The following UBP1 variants were observed in gnomAD, a reference collection of about 807,000 sequenced individuals.
UBP1 encodes upstream-binding protein 1.
Under a neutral mutation model 76.1 loss-of-function variants are expected in UBP1, and 22 were observed. The ratio of observed to expected loss-of-function variants is 0.29; its 90% CI spans 0.21 to 0.41. The LOEUF (loss-of-function observed/expected upper bound fraction) is 0.41, where lower values mean the gene tolerates loss of function less well. UBP1 is among the 10% of genes least tolerant of loss of function. UBP1 has a pLI of 1.00. For missense variants in UBP1, 436 were observed against 668.1 expected, an observed-to-expected ratio of 0.65 and a Z score of 3.83; for synonymous variants, 224 against 237.1, an observed-to-expected ratio of 0.94 and a Z score of 0.51.
chr3:33,396,743 A>C, intron 12 of UBP1: 1 of 568,844 alleles, frequency 1.8e-6, no homozygotes, highest in Non-Finnish European at 3.3e-6. Flanking sequence ...TGTATAGCTC[A>C]CCTAAATTAG....
intron 1 of UBP1, among the ~76,000 whole-genome samples, chr3:33,427,803 T>C (rs749852327): frequency 6.6e-6 from 1 of 152,216 alleles, no homozygotes; most frequent in African/African-American, 2.4e-5. Flanking sequence ...CGGTTAGCAA[T>C]GGTCCCAACA....
chr3:33,395,157 T>C (rs1252919503), intron 13 of UBP1, among the ~76,000 whole-genome samples: 1 of 152,210 alleles, frequency 6.6e-6, no homozygotes, highest in African/African-American at 2.4e-5. Context: ...AGAATTTGTA[T>C]ACTTAATCTC....
chr3:33,418,100 T>G (rs2044776771), intron 2 of UBP1, among the ~76,000 whole-genome samples: 1 of 152,144 alleles, frequency 6.6e-6, no homozygotes, highest in South Asian at 2.1e-4. Context: ...ATCTATATTC[T>G]GAAAACAGAA....
At chr3:33,391,389 G>A (rs759975747) in intron 15 of UBP1, 1 of 152,190 alleles carries the variant, frequency 6.6e-6, no homozygotes, top group Non-Finnish European at 1.5e-5. Flanking sequence ...AGCCACCTAA[G>A]CCTGGTCCTG....
At chr3:33,392,696 T>C in intron 14 of UBP1, 82 bp from the exon 15 acceptor site, 1 of 1,349,188 alleles carries the variant, frequency 7.4e-7, no homozygotes, top group Non-Finnish European at 1.0e-6. Flanking sequence ...GTAAATATTC[T>C]TCTCAAACAA....
chr3:33,433,514 G>A (rs1575492687), intron 1 of UBP1, among the ~76,000 whole-genome samples: 2 of 151,642 alleles, frequency 1.3e-5, no homozygotes, highest in African/African-American at 2.4e-5. Flanking sequence ...TCAGCTGGGC[G>A]TGGTGGCATG....
At chr3:33,407,605 A>C (rs772656440) in intron 8 of UBP1, among the ~76,000 whole-genome samples, 1 of 152,054 alleles carries the variant, frequency 6.6e-6, no homozygotes, top group Non-Finnish European at 1.5e-5. Context: ...CAGTGGCACT[A>C]GGATGAGTAC....
chr3:33,424,863 T>A (rs2044985515), intron 2 of UBP1, among the ~76,000 whole-genome samples: 1 of 152,170 alleles, frequency 6.6e-6, no homozygotes, highest in South Asian at 2.1e-4. Context: ...CTGGCCAACA[T>A]GGTGAAACCC....
intron 9 of UBP1, 135 bp from the exon 10 acceptor site, chr3:33,401,151 T>C: frequency 1.5e-6 from 1 of 689,216 alleles, no homozygotes; most frequent in Non-Finnish European, 2.3e-6. Flanking sequence ...TATGAAAGTC[T>C]GCAACAAAAT....
chr3:33,430,696 T>C (rs373570418), intron 1 of UBP1, among the ~76,000 whole-genome samples: 81 of 151,924 alleles, frequency 5.3e-4, no homozygotes, highest in African/African-American at 1.8e-3. Flanking sequence ...TGGCGGAAAA[T>C]TGAAAGAGCG....
intron 1 of UBP1, among the ~76,000 whole-genome samples, chr3:33,427,662 C>T (rs906296489): frequency 6.6e-6 from 1 of 152,180 alleles, no homozygotes; most frequent in African/African-American, 2.4e-5. Context: ...CCCTACTCCC[C>T]CCATGCATTT....
chr3:33,417,241 C>T (rs1464312923), intron 2 of UBP1, among the ~76,000 whole-genome samples: 1 of 152,150 alleles, frequency 6.6e-6, no homozygotes, highest in African/African-American at 2.4e-5. Context: ...TTTTAGAACA[C>T]TCGCATCATC....
intron 1 of UBP1, among the ~76,000 whole-genome samples, chr3:33,431,285 CGGAATA>C (rs2045107567): frequency 6.6e-6 from 1 of 152,096 alleles, no homozygotes; most frequent in Non-Finnish European, 1.5e-5. Context: ...CAGCAAAGAA[CGGAATA>C]GGGGCAAAAA....
At chr3:33,408,279 T>C (rs1230951943) in intron 8 of UBP1, among the ~76,000 whole-genome samples, 1 of 152,064 alleles carries the variant, frequency 6.6e-6, no homozygotes, top group Non-Finnish European at 1.5e-5. Context: ...AGTATACACA[T>C]GAGAAAGCAA....
rs546005510 is a variant in UBP1 at position 33,390,176 on chromosome 3, A to T, written c.*155T>A. 1 of 698,576 alleles carries T rather than the reference A, an allele frequency of 1.4e-6. No homozygotes were observed. Among genetic ancestry groups the T allele is most frequent in the African/African-American group, 1.8e-5 (1 of 55,634 alleles). The allele number at this position is 698,576 out of a possible 1,614,324, so 43.3% of individuals were successfully genotyped here. ...TATGGCAGTGACAGTGAGGAGATTC[A>T]CCTCTCATACAGCTCATTAGAAAGG... On this transcript the variant is annotated 3_prime_UTR_variant, in exon 16 of 16. Transcript: ENST00000283629.
intron 9 of UBP1, among the ~76,000 whole-genome samples, chr3:33,401,847 G>A (rs751594190): frequency 1.3e-5 from 2 of 152,062 alleles, no homozygotes; most frequent in Non-Finnish European, 2.9e-5. Flanking sequence ...TATTCAGACC[G>A]GACTGACTGA....
In UBP1 at chr3:33,388,844, T is replaced by C. The variant is rs1403823497; in HGVS notation, c.*1487A>G. The C allele has an allele frequency of 6.6e-6, 1 of 152,204 alleles. No homozygotes were observed. The highest frequency in any genetic ancestry group is 1.5e-5 in the Non-Finnish European group (1 of 68,038). 9.4% of individuals were successfully genotyped at this position (152,204 alleles called of 1,614,324 possible). On this transcript the variant is annotated 3_prime_UTR_variant, in exon 16 of 16. Coordinates refer to ENST00000283629, the MANE Select transcript of UBP1 (RefSeq NM_014517.5). Reference sequence around the variant, plus strand: ...TGAATAAAACATAAAATGTCAAAGCTTTTACTCACTGAAGTAGTTTGTCTT... The same window carrying C: ...TGAATAAAACATAAAATGTCAAAGCCTTTACTCACTGAAGTAGTTTGTCTT...
At chr3:33,439,346 G>C (rs899974979) in intron 1 of UBP1, among the ~76,000 whole-genome samples, 2 of 152,222 alleles carry the variant, frequency 1.3e-5, no homozygotes, top group African/African-American at 2.4e-5. Context: ...CAAAACGCTA[G>C]ACAGTATTCT....
At position 33,440,091 on chromosome 3, in the gene UBP1, G is replaced by A. The variant is rs1196973237; in HGVS notation, c.-243C>T. On this transcript the variant is annotated 5_prime_UTR_variant, in exon 1 of 16. Coordinates refer to ENST00000283629, the MANE Select transcript of UBP1 (RefSeq NM_014517.5). ...CAGCGCCACCCTCCCGCGGACACCG[G>A]CCCTGCGCCTCATGCCGGCGCCGCC... 5.3e-6 allele frequency: 2 copies of A among 375,076 alleles called. No individual in the cohort carries two copies. The highest frequency in any genetic ancestry group is 2.1e-5 in the African/African-American group (1 of 46,796). The allele number at this position is 375,076 out of a possible 1,614,324, so 23.2% of individuals were successfully genotyped here.
Sources: gnomAD v4.1 joint callset for allele counts (sites outside exome capture counted in the v4.1 genomes callset) on GRCh38, gnomAD v4.1.1 for gene constraint, MANE v1.5 for transcripts, NCBI Gene and HGNC (gene_info 2026-07-23, HGNC 2026-07-21) for gene names.